Variants in KSR2 observed in about 807,000 individuals in gnomAD.
The protein encoded by KSR2 is kinase suppressor of ras 2.
KSR2 carries 25 observed loss-of-function variants against 107.8 expected under a neutral mutation model. The ratio of observed to expected loss-of-function variants is 0.23; its 90% CI spans 0.17 to 0.32. The LOEUF is 0.32. Among genes scored for constraint, KSR2 ranks in the 10% least tolerant of loss-of-function variants. The pLI is 1.00. For synonymous variants in KSR2, 480 were observed against 507.0 expected (o/e 0.95, Z 0.71); for missense variants, 887 against 1,268.9 (o/e 0.70, Z 4.57).
intron 4 of KSR2, among the ~76,000 whole-genome samples, chr12:117,675,394 G>A (rs150055160): frequency 2.0e-4 from 31 of 152,326 alleles, no homozygotes; most frequent in Non-Finnish European, 2.2e-4. Flanking sequence ...AGGAGGGCTG[G>A]TTTAGCAGCA....
chr12:117,813,545 A>G (rs898755536), intron 3 of KSR2, among the ~76,000 whole-genome samples: 2 of 152,230 alleles, frequency 1.3e-5, no homozygotes, highest in South Asian at 2.1e-4. Context: ...AATGCTCAGC[A>G]CCACTAATCA....
intron 1 of KSR2, among the ~76,000 whole-genome samples, chr12:117,891,577 T>C (rs994951111): frequency 2.0e-5 from 3 of 151,900 alleles, no homozygotes; most frequent in African/African-American, 7.3e-5. Context: ...ATTTCTATAA[T>C]AAATATTAAA....
chr12:117,624,073 G>C (rs1470440402), intron 5 of KSR2, among the ~76,000 whole-genome samples: 3 of 151,954 alleles, frequency 2.0e-5, no homozygotes, highest in African/African-American at 7.2e-5. Flanking sequence ...TTTTTGATGG[G>C]GTTGTTTTTT....
At chr12:117,519,237 CAGTT>C (rs746734668) in intron 14 of KSR2, among the ~76,000 whole-genome samples, 7 of 152,196 alleles carry the variant, frequency 4.6e-5, no homozygotes, top group Non-Finnish European at 1.0e-4. Flanking sequence ...GCACACCTCT[CAGTT>C]AGTGCCTGAG....
intron 5 of KSR2, among the ~76,000 whole-genome samples, chr12:117,590,285 T>C (rs193169853): frequency 6.6e-6 from 1 of 152,222 alleles, no homozygotes; most frequent in Non-Finnish European, 1.5e-5. Context: ...GCATACTTTA[T>C]TTCTGAACAG....
At chr12:117,683,798 G>A (rs1885462926) in intron 4 of KSR2, among the ~76,000 whole-genome samples, 1 of 152,184 alleles carries the variant, frequency 6.6e-6, no homozygotes, top group Non-Finnish European at 1.5e-5. Context: ...TGATGCAGAG[G>A]TTGCCAAATC....
chr12:117,825,186 A>C (rs1431723496), intron 3 of KSR2, among the ~76,000 whole-genome samples: 3 of 152,178 alleles, frequency 2.0e-5, no homozygotes, highest in Non-Finnish European at 4.4e-5. Context: ...TCTCAAAACG[A>C]AACAAAACAA....
Position 117,576,524 on chromosome 12 carries a change from G to T in KSR2, c.1325+2595C>A, listed in dbSNP as rs546662396. ...AAAAAATTTTTTTTTTTGAGACAGG[G>T]TCTTGCTCTGTTGCCTAGGCTGGAG... is the stretch of plus-strand genomic sequence containing the variant. On this transcript the variant is annotated intron_variant, in intron 7 of 19. Coordinates refer to ENST00000339824, the MANE Select transcript of KSR2 (RefSeq NM_173598.6). Among the ~76,000 whole-genome samples the T allele has an allele frequency of 9.7e-4, 147 of 152,206 alleles. 1 individual carries two copies. The South Asian group carries it at 0.027, about 28-fold the overall frequency.
chr12:117,539,952 T>C, intron 9 of KSR2, 65 bp from the exon 10 acceptor site: 1 of 1,435,820 alleles, frequency 7.0e-7, no homozygotes, highest in Non-Finnish European at 9.5e-7. Flanking sequence ...GCAGAAAGAG[T>C]GGGCTGAGCA....
At chr12:117,876,744 T>C (rs1336046388) in intron 1 of KSR2, among the ~76,000 whole-genome samples, 1 of 148,900 alleles carries the variant, frequency 6.7e-6, no homozygotes, top group Non-Finnish European at 1.5e-5. Flanking sequence ...TAATACATAA[T>C]ATAATTTGAA....
intron 9 of KSR2, among the ~76,000 whole-genome samples, chr12:117,551,097 G>T (rs1877271521): frequency 6.6e-6 from 1 of 152,150 alleles, no homozygotes; most frequent in Non-Finnish European, 1.5e-5. Flanking sequence ...TGCCACTACT[G>T]CAGATGGTAT....
Position 117,699,833 on chromosome 12 carries a change from C to T in KSR2, c.987-32175G>A, listed in dbSNP as rs181106705. On this transcript the variant is annotated intron_variant, in intron 4 of 19. Coordinates refer to ENST00000339824, the MANE Select transcript of KSR2 (RefSeq NM_173598.6). ...CACTGCAAGGTTACAATGGCTATGACGTCACTAGGTGATAGGAATTTTTCA... is the reference window on the plus strand; with the variant it reads ...CACTGCAAGGTTACAATGGCTATGATGTCACTAGGTGATAGGAATTTTTCA... 8.6e-4 allele frequency among the ~76,000 whole-genome samples: 131 copies of T among 152,196 alleles called. 1 individual carries two copies. The highest frequency in any genetic ancestry group is 1.3e-3 in the Non-Finnish European group (91 of 68,008).
chr12:117,519,027 T>A (rs1874567819), intron 14 of KSR2, among the ~76,000 whole-genome samples: 1 of 152,262 alleles, frequency 6.6e-6, no homozygotes, highest in African/African-American at 2.4e-5. Context: ...TCTTCTGGAA[T>A]GCAAAGTCCA....
At chr12:117,906,891 G>A (rs1894870810) in intron 1 of KSR2, among the ~76,000 whole-genome samples, 2 of 152,066 alleles carry the variant, frequency 1.3e-5, no homozygotes, top group Admixed American at 1.3e-4. Context: ...TCCAGGTGTG[G>A]TGGCACACGC....
chr12:117,643,369 T>C (rs1976755), intron 5 of KSR2, among the ~76,000 whole-genome samples: 138,546 of 152,256 alleles, frequency 0.91, 63,285 homozygotes, highest in East Asian at 0.99. Context: ...ATCGCTTGAA[T>C]CTGGGAAGCG....
At chr12:117,812,286 T>A (rs899539006) in intron 3 of KSR2, among the ~76,000 whole-genome samples, 1 of 152,188 alleles carries the variant, frequency 6.6e-6, no homozygotes, top group African/African-American at 2.4e-5. Flanking sequence ...TCCGTAAAAA[T>A]ATTTTATATT....
chr12:117,628,008 G>C (rs895309189), intron 5 of KSR2, among the ~76,000 whole-genome samples: 1 of 152,068 alleles, frequency 6.6e-6, no homozygotes, highest in Non-Finnish European at 1.5e-5. Context: ...ATTGAAGTTT[G>C]TGCACGCGTC....
intron 9 of KSR2, among the ~76,000 whole-genome samples, chr12:117,549,088 A>G (rs1002539048): frequency 6.6e-6 from 1 of 152,200 alleles, no homozygotes; most frequent in African/African-American, 2.4e-5. Context: ...CTTGAAGGTA[A>G]CTCTGATCCA....
Position 117,531,756 on chromosome 12 carries a change from G to A in KSR2, c.1688-49C>T, listed in dbSNP as rs1487968946. 6.8e-6 allele frequency: 10 copies of A among 1,466,230 alleles called. No individual in the cohort carries two copies. The East Asian group carries it at 1.7e-4, about 25-fold the overall frequency. 90.8% of individuals were successfully genotyped at this position (1,466,230 alleles called of 1,614,324 possible). A position where few individuals can be genotyped will look rare whatever the true frequency, so the allele number is the denominator to read the frequency against. ...AAGTGAGTGTCCCCAGGGAGACATC[G>A]CTTCAGGGACCAGATTGAGCTCTTA... On this transcript the variant is annotated intron_variant, in intron 10 of 19. Coordinates refer to ENST00000339824, the MANE Select transcript of KSR2 (RefSeq NM_173598.6).
Sources: allele counts gnomAD v4.1 joint callset (sites outside exome capture counted in the v4.1 genomes callset), GRCh38; gene constraint gnomAD v4.1.1; transcripts MANE v1.5; gene names NCBI Gene and HGNC (gene_info 2026-07-23, HGNC 2026-07-21).